The following EFCAB6 variants were observed in gnomAD, a reference collection of about 807,000 sequenced individuals.
The protein encoded by EFCAB6 is EF-hand calcium binding domain 6, also known as EF-hand calcium-binding domain-containing protein 6.
EFCAB6 carries 156 observed loss-of-function variants against 169.8 expected under a neutral mutation model. The ratio of observed to expected loss-of-function variants is 0.92; its 90% confidence interval spans 0.81 to 1.05. The LOEUF (loss-of-function observed/expected upper bound fraction) is 1.05, where lower values mean the gene tolerates loss of function less well. EFCAB6 is among the 50% of genes least tolerant of loss of function. EFCAB6 has a pLI of 0.00. For synonymous variants in EFCAB6, 698 were observed against 676.4 expected (o/e 1.03, Z -0.50); for missense variants, 1,800 against 1,829.1 (o/e 0.98, Z 0.29).
chr22:43,555,374 C>T (rs1487591254), intron 26 of EFCAB6, among the ~76,000 whole-genome samples: 1 of 152,168 alleles, frequency 6.6e-6, no homozygotes, highest in Non-Finnish European at 1.5e-5. Context: ...AGAGCCCAGC[C>T]CTGGGGAGGG....
At chr22:43,591,707 C>T (rs772752098) in intron 23 of EFCAB6, among the ~76,000 whole-genome samples, 1 of 152,122 alleles carries the variant, frequency 6.6e-6, no homozygotes, top group South Asian at 2.1e-4. Context: ...ATCTTTCTGT[C>T]GCTCCCAGCT....
intron 17 of EFCAB6, among the ~76,000 whole-genome samples, chr22:43,664,682 G>A (rs769034271): frequency 4.6e-5 from 7 of 152,242 alleles, no homozygotes; most frequent in Non-Finnish European, 1.0e-4. Context: ...TGCCAAGGAA[G>A]AGCCAGCCTC....
At chr22:43,763,575 C>T (rs1020006256) in intron 5 of EFCAB6, among the ~76,000 whole-genome samples, 1 of 152,106 alleles carries the variant, frequency 6.6e-6, no homozygotes, top group East Asian at 1.9e-4. Context: ...AGCCATGATA[C>T]CAGAATTTTC....
intron 10 of EFCAB6, among the ~76,000 whole-genome samples, chr22:43,697,018 C>A (rs147018404): frequency 1.5e-3 from 226 of 152,156 alleles, no homozygotes; most frequent in African/African-American, 5.2e-3. Context: ...AGAGGAAGTA[C>A]AGGAAACTTT....
At chr22:43,807,489 T>A (rs1308322741) in intron 2 of EFCAB6, among the ~76,000 whole-genome samples, 1 of 152,090 alleles carries the variant, frequency 6.6e-6, no homozygotes, top group Admixed American at 6.6e-5. Context: ...CACTGATATA[T>A]TTGTTTATTT....
At chr22:43,549,753 A>G (rs1263734931) in intron 27 of EFCAB6, among the ~76,000 whole-genome samples, 1 of 152,224 alleles carries the variant, frequency 6.6e-6, no homozygotes, top group Non-Finnish European at 1.5e-5. Flanking sequence ...ATGAATGCAA[A>G]TTATACAATA....
intron 23 of EFCAB6, 38 bp downstream of exon 23, chr22:43,600,031 A>T: frequency 6.3e-7 from 1 of 1,580,140 alleles, no homozygotes; most frequent in South Asian, 1.2e-5. Flanking sequence ...GTAAAAGGGG[A>T]CTTCTAGATG....
chr22:43,572,451 C>G lies in EFCAB6; in HGVS notation c.3420+3846G>C, dbSNP rs1218559759. 6.6e-6 allele frequency among the ~76,000 whole-genome samples: 1 copy of G among 152,158 alleles called. No homozygotes were observed. The highest frequency in any genetic ancestry group is 1.5e-5 in the Non-Finnish European group (1 of 68,030). On this transcript the variant is annotated intron_variant, in intron 26 of 31. Coordinates refer to ENST00000262726, the MANE Select transcript of EFCAB6 (RefSeq NM_022785.4). The surrounding 1 kb of genome is among the most constrained non-coding windows in gnomAD (Gnocchi z 4.0). ...CCTTTAGGGGTATCTTGCTATAGCTCCTGAGCAGCCTAAGACAGTCCCCAT... is the reference window on the plus strand; with the variant it reads ...CCTTTAGGGGTATCTTGCTATAGCTGCTGAGCAGCCTAAGACAGTCCCCAT...
chr22:43,635,359 G>GA (rs1468714632), intron 17 of EFCAB6, 143 bp from the exon 18 acceptor site: 1 of 648,720 alleles, frequency 1.5e-6, no homozygotes, highest in Non-Finnish European at 2.8e-6. Context: ...CTGCCAGGGG[G>GA]TGGGACCGAG....
At chr22:43,604,237 T>C (rs2052749749) in intron 22 of EFCAB6, among the ~76,000 whole-genome samples, 1 of 152,178 alleles carries the variant, frequency 6.6e-6, no homozygotes, top group Admixed American at 6.5e-5. Context: ...TAGACTAATA[T>C]AGTGTCCAAT....
At chr22:43,751,547 C>G (rs1391038857) in intron 6 of EFCAB6, among the ~76,000 whole-genome samples, 6 of 152,152 alleles carry the variant, frequency 3.9e-5, no homozygotes, top group Non-Finnish European at 8.8e-5. Context: ...GAGCTGGGAC[C>G]CCACAGGCAG....
chr22:43,624,947 A>C (rs1329899560), intron 20 of EFCAB6, among the ~76,000 whole-genome samples: 1 of 152,182 alleles, frequency 6.6e-6, no homozygotes, highest in Non-Finnish European at 1.5e-5. Context: ...TTTTTTGGGA[A>C]GAATTTTGTT....
intron 28 of EFCAB6, among the ~76,000 whole-genome samples, chr22:43,538,052 G>GT (rs71186600): frequency 0.14 from 21,189 of 152,034 alleles, 1,586 homozygotes; most frequent in Middle Eastern, 0.19. Flanking sequence ...TCTAGCCCAG[G>GT]TTTTTTTTCC....
intron 8 of EFCAB6, among the ~76,000 whole-genome samples, chr22:43,720,369 G>A (rs997586342): frequency 6.6e-5 from 10 of 150,734 alleles, no homozygotes; most frequent in Non-Finnish European, 1.3e-4. Context: ...AAAAATAGCC[G>A]GGCACAGTAG....
At chr22:43,736,021 G>C in intron 6 of EFCAB6, 28 bp from the exon 7 acceptor site, 1 of 1,585,858 alleles carries the variant, frequency 6.3e-7, no homozygotes, top group Non-Finnish European at 8.6e-7. Context: ...TTTAGGAAAA[G>C]TCAAAAGATC....
chr22:43,568,113 T>C (rs2049571827), intron 26 of EFCAB6, among the ~76,000 whole-genome samples: 1 of 152,146 alleles, frequency 6.6e-6, no homozygotes, highest in African/African-American at 2.4e-5. Flanking sequence ...AGTTTCCTCC[T>C]CTGCAAATGA....
intron 8 of EFCAB6, 66 bp downstream of exon 8, chr22:43,731,633 A>C (rs1424738843): frequency 1.1e-6 from 1 of 938,978 alleles, no homozygotes; most frequent in Non-Finnish European, 1.6e-6. Flanking sequence ...GGAATGATCC[A>C]AAGAACAGGA....
chr22:43,604,609 C>G (rs2052774896), intron 22 of EFCAB6, among the ~76,000 whole-genome samples: 1 of 152,166 alleles, frequency 6.6e-6, no homozygotes, highest in South Asian at 2.1e-4. Context: ...CCAGAGGTTC[C>G]ACCAGCCAGG....
chr22:43,711,853 A>G (rs184878412), intron 9 of EFCAB6, among the ~76,000 whole-genome samples: 2 of 152,350 alleles, frequency 1.3e-5, no homozygotes, highest in African/African-American at 4.8e-5. Flanking sequence ...TTCCCAGGGA[A>G]AAACAGCACA....
Sources: allele counts gnomAD v4.1 joint callset (sites outside exome capture counted in the v4.1 genomes callset), GRCh38; gene constraint gnomAD v4.1.1; non-coding constraint Gnocchi (gnomAD v3.1); transcripts MANE v1.5; gene names NCBI Gene and HGNC (gene_info 2026-07-23, HGNC 2026-07-21).